The following TRPV3 variants were observed in gnomAD, a reference collection of about 807,000 sequenced individuals.
TRPV3 encodes VRL-3.
In TRPV3, 88 loss-of-function variants were observed where a neutral mutation model predicts 87.1. The ratio of observed to expected loss-of-function variants is 1.01; its 90% confidence interval spans 0.85 to 1.21. The LOEUF (loss-of-function observed/expected upper bound fraction) is 1.21. TRPV3 is among the 50% of genes most tolerant of loss of function. The probability of loss-of-function intolerance (pLI) is 0.00; values close to 1 mark genes in which losing one functional copy is unlikely to be tolerated. For missense variants in TRPV3, 1,054 were observed against 1,030.1 expected, an observed-to-expected ratio of 1.02 and a Z score of -0.32; for synonymous variants, 438 against 423.3, an observed-to-expected ratio of 1.03 and a Z score of -0.43.
chr17:3,546,035 G>A (rs1003897307), intron 2 of TRPV3, among the ~76,000 whole-genome samples: 3 of 151,224 alleles, frequency 2.0e-5, no homozygotes, highest in Admixed American at 6.6e-5. Context: ...ACAGGGCCAC[G>A]TTCTTGTGAG....
chr17:3,520,301 G>A (rs1467717916), intron 14 of TRPV3, among the ~76,000 whole-genome samples: 1 of 152,128 alleles, frequency 6.6e-6, no homozygotes, highest in African/African-American at 2.4e-5. Context: ...GCTCCTTCCT[G>A]GTCCCAGCAG....
chr17:3,519,524 GGATGGATGGATA>G (rs1178511585), intron 14 of TRPV3, among the ~76,000 whole-genome samples: 2 of 148,038 alleles, frequency 1.4e-5, no homozygotes, highest in Non-Finnish European at 3.0e-5. Context: ...ATGGATGGAT[GGATGGATGGATA>G]GATGGATGGA....
chr17:3,529,654 C>T (rs2074330695), intron 9 of TRPV3, among the ~76,000 whole-genome samples: 1 of 152,134 alleles, frequency 6.6e-6, no homozygotes, highest in Non-Finnish European at 1.5e-5. Context: ...AGAAAGAATT[C>T]TAAGCCTGGC....
rs369472913 is a variant in TRPV3 at position 3,540,060 on chromosome 17, A to AAAATAAATAAAT, written c.643+2450_643+2461dup. 7.9e-3 allele frequency among the ~76,000 whole-genome samples: 1,151 copies of AAAATAAATAAAT among 145,612 alleles called. 9 individuals carry two copies. Among genetic ancestry groups the AAAATAAATAAAT allele is most frequent in the African/African-American group, 0.027 (1,069 of 40,028 alleles). ...GTGACACAGCGGAACTCCATCTCAA[A>AAAATAAATAAAT]AAATAAATAAATAAATAAATAAATA... On this transcript the variant is annotated intron_variant, in intron 6 of 17. Transcript: ENST00000576742.
chr17:3,510,675 G>C lies in TRPV3; in HGVS notation c.*3242C>G, dbSNP rs1173726638. ...ACAAGGATCCGGCACATTCAAGGGAGAATGGGGTGACGATTCTGTGTTTGG... is the reference window on the plus strand; with the variant it reads ...ACAAGGATCCGGCACATTCAAGGGACAATGGGGTGACGATTCTGTGTTTGG... On this transcript the variant is annotated 3_prime_UTR_variant, in exon 18 of 18. Coordinates refer to ENST00000576742, the MANE Select transcript of TRPV3 (RefSeq NM_145068.4). The C allele has an allele frequency of 6.6e-6, 1 of 152,224 alleles. No individual in the cohort carries two copies. The allele number at this position is 152,224 out of a possible 1,614,324, so 9.4% of individuals were successfully genotyped here.
chr17:3,542,291 G>T (rs1167830205), intron 6 of TRPV3, among the ~76,000 whole-genome samples: 1 of 152,226 alleles, frequency 6.6e-6, no homozygotes, highest in African/African-American at 2.4e-5. Flanking sequence ...TTGTTCACCA[G>T]TGCATGCCCA....
chr17:3,519,019 C>G (rs2074208874), intron 14 of TRPV3, among the ~76,000 whole-genome samples, 169 bp from the exon 15 acceptor site: 1 of 152,202 alleles, frequency 6.6e-6, no homozygotes, highest in Non-Finnish European at 1.5e-5. Context: ...GCTTCTCTGG[C>G]CTGGCCTCCT....
rs573726228 is a variant in TRPV3 at position 3,521,799 on chromosome 17, G to A, written c.1744-760C>T. ...TATATTTAAAACAAAGACAGGCCAGGGTGCAGTGACTCACGCCTGTAATCC... is the reference window on the plus strand; with the variant it reads ...TATATTTAAAACAAAGACAGGCCAGAGTGCAGTGACTCACGCCTGTAATCC... On this transcript the variant is annotated intron_variant, in intron 13 of 17. Transcript: ENST00000576742. Among the ~76,000 whole-genome samples, 22 of 152,246 alleles carry A rather than the reference G, an allele frequency of 1.4e-4. No individual in the cohort carries two copies. The South Asian group carries it at 4.2e-3, about 29-fold the overall frequency.
Position 3,528,827 on chromosome 17 carries a change from G to A in TRPV3, c.1401+10C>T, listed in dbSNP as rs1242885798. On this transcript the variant is annotated intron_variant, in intron 10 of 17. Coordinates refer to ENST00000576742, the MANE Select transcript of TRPV3 (RefSeq NM_145068.4). This position sits in a 1 kb window ranked among gnomAD's most constrained non-coding sequence, Gnocchi z 4.2. ...CGGCCCCATTTTCCCCCTCCAAGGG[G>A]CCCACGTACCTCCTCCTCCCGGGGG... 5 of 1,614,030 alleles carry A rather than the reference G, an allele frequency of 3.1e-6. No individual in the cohort carries two copies. The highest frequency in any genetic ancestry group is 4.2e-6 in the Non-Finnish European group (5 of 1,179,948).
intron 6 of TRPV3, 23 bp downstream of exon 6, chr17:3,542,499 C>T: frequency 6.2e-7 from 1 of 1,607,098 alleles, no homozygotes; most frequent in Non-Finnish European, 8.5e-7. Context: ...CCTGTCTGCA[C>T]AGCCCCTCTG....
rs2150773318 is a variant in TRPV3, at chr17:3,510,899, A to T, written c.*3018T>A. On this transcript the variant is annotated 3_prime_UTR_variant, in exon 18 of 18. Transcript: ENST00000576742. ...TCTAAGAGCCTGAAGACTTCACAGT[A>T]CAACCTCCAGCACCTTCTCCCACAT... 6.6e-6 allele frequency: 1 copy of T among 152,406 alleles called. No individual in the cohort carries two copies. The highest frequency in any genetic ancestry group is 2.4e-5 in the African/African-American group (1 of 41,596). 9.4% of individuals were successfully genotyped at this position (152,406 alleles called of 1,614,324 possible).
intron 15 of TRPV3, 114 bp from the exon 16 acceptor site, chr17:3,516,683 C>G: frequency 1.3e-6 from 1 of 758,198 alleles, no homozygotes; most frequent in Non-Finnish European, 2.3e-6. Context: ...ATGCATAGAT[C>G]GCAAGGGTTT....
chr17:3,546,822 G>A, intron 2 of TRPV3: 1 of 364,194 alleles, frequency 2.7e-6, no homozygotes, highest in Non-Finnish European at 5.6e-6. Context: ...TACAAAATTA[G>A]CTGGGTGTGG....
intron 9 of TRPV3, 119 bp downstream of exon 9, chr17:3,529,908 G>A: frequency 8.7e-7 from 1 of 1,143,968 alleles, no homozygotes; most frequent in Non-Finnish European, 1.2e-6. Flanking sequence ...ACAGAGTGGG[G>A]TATGCAGATG....
intron 2 of TRPV3, among the ~76,000 whole-genome samples, chr17:3,549,727 A>T (rs1011331262): frequency 6.7e-6 from 1 of 149,230 alleles, no homozygotes; most frequent in Non-Finnish European, 1.5e-5. Flanking sequence ...GGATGGATGG[A>T]TGGAGGATGG....
chr17:3,514,645 C>T lies in TRPV3; in HGVS notation c.2226G>A (p.Trp742Ter). 1 of 1,614,002 alleles carries T rather than the reference C, an allele frequency of 6.2e-7. No homozygotes were observed. The highest frequency in any genetic ancestry group is 8.5e-7 in the Non-Finnish European group (1 of 1,179,898). ...LRINEVKWTE[W>*]KTHVSFLNED... ...CGTTAAGGAAGGAGACGTGCGTCTT[C>T]CATTCAGTCCACTTCACCTCATTGA... Residue 742 changes from tryptophan to a stop codon, truncating the protein, a stop_gained, in exon 17 of 18, where the codon TGG becomes TGA. Transcript: ENST00000576742. LOFTEE classifies it high-confidence loss of function.
At position 3,543,701 on chromosome 17, in the gene TRPV3, G is replaced by T. The variant is rs576740619; in HGVS notation, c.312-73C>A. The T allele has an allele frequency of 3.2e-6, 5 of 1,580,854 alleles. No homozygotes were observed. The African/African-American group carries it at 4.0e-5, about 13-fold the overall frequency. On this transcript the variant is annotated intron_variant, in intron 4 of 17. Transcript: ENST00000576742. Reference sequence around the variant, plus strand: ...TCAATCTCTCCTTTTCCCCGCCAGAGCTGCCTACGGGGCGCTGCAGCTGCC... The same window carrying T: ...TCAATCTCTCCTTTTCCCCGCCAGATCTGCCTACGGGGCGCTGCAGCTGCC...
rs1442055522 is a variant in TRPV3 at position 3,512,033 on chromosome 17, C to A, written c.*1884G>T. The A allele has an allele frequency of 6.6e-6, 1 of 152,232 alleles. No individual in the cohort carries two copies. The highest frequency in any genetic ancestry group is 2.4e-5 in the African/African-American group (1 of 41,458). The allele number at this position is 152,232 out of a possible 1,614,324, so 9.4% of individuals were successfully genotyped here. Reference sequence around the variant, plus strand: ...TCTCCAGGCTAAAAGGGACCTTAAACTTCTTCCAATGACCATTTTCAACAA... The same window carrying A: ...TCTCCAGGCTAAAAGGGACCTTAAAATTCTTCCAATGACCATTTTCAACAA... On this transcript the variant is annotated 3_prime_UTR_variant, in exon 18 of 18. Transcript: ENST00000576742.
rs751151044 is a variant in TRPV3, at chr17:3,532,988, G to A, written c.785-51C>T. The stretch of plus-strand genomic sequence containing the variant: ...GGTTCTCTCATGGGCCGGAAGCAGC[G>A]TCCCCCAAGCCCCAGGACTGGGGCC... On this transcript the variant is annotated intron_variant, in intron 7 of 17. Coordinates refer to ENST00000576742, the MANE Select transcript of TRPV3 (RefSeq NM_145068.4). 3.1e-5 allele frequency: 49 copies of A among 1,596,324 alleles called. No homozygotes were observed. The Admixed American group carries it at 4.2e-4, about 14-fold the overall frequency.
Sources: gnomAD v4.1 joint callset for allele counts (sites outside exome capture counted in the v4.1 genomes callset) on GRCh38, gnomAD v4.1.1 for gene constraint, Gnocchi (gnomAD v3.1) non-coding constraint, MANE v1.5 for transcripts, NCBI Gene and HGNC (gene_info 2026-07-23, HGNC 2026-07-21) for gene names.